ARHGAP22: variants seen among roughly 807,000 people sequenced by gnomAD.
ARHGAP22 encodes Rho GTPase activating protein 22.
Under a neutral mutation model 59.1 loss-of-function variants are expected in ARHGAP22, and 48 were observed. That is an observed-to-expected ratio of 0.81 (90% confidence interval 0.64 to 1.03). The LOEUF (loss-of-function observed/expected upper bound fraction) is 1.03. ARHGAP22 is among the 50% of genes least tolerant of loss of function. The probability of loss-of-function intolerance (pLI) is 0.00; values close to 1 mark genes in which losing one functional copy is unlikely to be tolerated. For synonymous variants in ARHGAP22, 445 were observed against 416.4 expected (o/e 1.07, Z -0.84); for missense variants, 1,015 against 958.7 (o/e 1.06, Z -0.78).
At chr10:48,569,679 T>C (rs1050299484) in intron 2 of ARHGAP22, among the ~76,000 whole-genome samples, 3 of 152,252 alleles carry the variant, frequency 2.0e-5, no homozygotes, top group Admixed American at 6.5e-5. Context: ...CTAATATCCA[T>C]GCTGACTTAA....
chr10:48,518,606 G>A (rs1367134185), intron 3 of ARHGAP22, among the ~76,000 whole-genome samples: 1 of 152,070 alleles, frequency 6.6e-6, no homozygotes, highest in East Asian at 1.9e-4. Context: ...GTGGGGAGCT[G>A]GAGACCACAT....
In ARHGAP22 at chr10:48,451,138, T is replaced by C; in HGVS notation, c.991A>G (p.Thr331Ala). The C allele has an allele frequency of 1.9e-6, 3 of 1,551,696 alleles. No homozygotes were observed. Among genetic ancestry groups the C allele is most frequent in the Non-Finnish European group, 2.6e-6 (3 of 1,147,550 alleles). ...VEDPVTIMEGTSLVQHLMTVL... is the reference protein window; with the variant it reads ...VEDPVTIMEGASLVQHLMTVL... ...GTCATCAGGTGCTGGACGAGGGAAG[T>C]GCCTGCCGGGAAGAGAGGCGGAGAA... Residue 331 changes from threonine (T) to alanine (A), a missense_variant and splice_region_variant, in exon 9 of 10, where the codon ACT becomes GCT. Coordinates refer to ENST00000249601, the MANE Select transcript of ARHGAP22 (RefSeq NM_021226.4).
intron 1 of ARHGAP22, among the ~76,000 whole-genome samples, chr10:48,633,007 C>A (rs55827713): frequency 0.024 from 3,660 of 152,138 alleles, 144 homozygotes; most frequent in African/African-American, 0.084. Flanking sequence ...ACATCACCTG[C>A]CACACGGAGG....
intron 3 of ARHGAP22, among the ~76,000 whole-genome samples, chr10:48,539,291 A>ATTTTTTTT (rs56801787): frequency 1.5e-5 from 2 of 136,288 alleles, no homozygotes; most frequent in African/African-American, 2.8e-5. Context: ...GAAGGGTAAC[A>ATTTTTTTT]TTTTTTTTTT....
At chr10:48,462,970 A>G (rs896595165) in intron 4 of ARHGAP22, among the ~76,000 whole-genome samples, 2 of 152,228 alleles carry the variant, frequency 1.3e-5, no homozygotes, top group African/African-American at 2.4e-5. Context: ...TCAACATCTG[A>G]TGCCTAACAG....
Position 48,582,959 on chromosome 10 carries a change from C to T in ARHGAP22, c.228G>A (p.Lys76=). 1 of 1,614,256 alleles carries T rather than the reference C, an allele frequency of 6.2e-7. No homozygotes were observed. The highest frequency in any genetic ancestry group is 8.5e-7 in the Non-Finnish European group (1 of 1,180,030). The change falls in exon 2 of 10, where the codon AAG becomes AAA. Residue 76 remains lysine (K), a synonymous_variant. Coordinates refer to ENST00000249601, the MANE Select transcript of ARHGAP22 (RefSeq NM_021226.4). ...CCGGACATGCACTTCTCACCTGGGG[C>T]TTGATCTCATCTTTGTCCTTGTAGT... ...LFYYKDKDEI[K]PQGFISLQGT...
At chr10:48,650,806 G>A (rs2062528662) in intron 1 of ARHGAP22, among the ~76,000 whole-genome samples, 1 of 152,168 alleles carries the variant, frequency 6.6e-6, no homozygotes, top group African/African-American at 2.4e-5. Context: ...GAGATATTAG[G>A]TATTAGGCTT....
chr10:48,443,534 G>T (rs577914938), downstream of ARHGAP22, among the ~76,000 whole-genome samples: 1 of 152,108 alleles, frequency 6.6e-6, no homozygotes, highest in Admixed American at 6.5e-5. Context: ...CCTGGTGCAA[G>T]TGGGGGTTCT....
At chr10:48,464,557 T>C (rs936500794) in intron 4 of ARHGAP22, among the ~76,000 whole-genome samples, 2 of 152,076 alleles carry the variant, frequency 1.3e-5, no homozygotes, top group African/African-American at 4.8e-5. Context: ...AGCATGGGCG[T>C]CAGAGGGCAG....
chr10:48,526,779 G>A (rs186687713), intron 3 of ARHGAP22, among the ~76,000 whole-genome samples: 4 of 152,322 alleles, frequency 2.6e-5, no homozygotes, highest in East Asian at 1.9e-4. Flanking sequence ...AAGGGTCAAC[G>A]TCCCCATTGA....
intron 1 of ARHGAP22, among the ~76,000 whole-genome samples, chr10:48,634,603 C>A (rs1357250957): frequency 1.3e-5 from 2 of 152,220 alleles, no homozygotes; most frequent in Middle Eastern, 3.4e-3. Flanking sequence ...GCTGGCAGGG[C>A]ATCTGTCTAG....
At chr10:48,581,841 G>A (rs1234950260) in intron 2 of ARHGAP22, among the ~76,000 whole-genome samples, 1 of 152,196 alleles carries the variant, frequency 6.6e-6, no homozygotes, top group African/African-American at 2.4e-5. Context: ...CTATTGGAAT[G>A]GACAGAACGA....
intron 2 of ARHGAP22, among the ~76,000 whole-genome samples, chr10:48,565,022 C>T (rs1201646255): frequency 6.6e-6 from 1 of 152,220 alleles, no homozygotes; most frequent in African/African-American, 2.4e-5. Context: ...TTTCTACTGA[C>T]ATGTCTCTAG....
chr10:48,478,107 C>A (rs2048915995), intron 4 of ARHGAP22, among the ~76,000 whole-genome samples: 1 of 152,168 alleles, frequency 6.6e-6, no homozygotes. Context: ...ACATCAAAGT[C>A]CAACTATGTA....
intron 1 of ARHGAP22, among the ~76,000 whole-genome samples, chr10:48,632,149 T>C (rs902407435): frequency 6.6e-6 from 1 of 152,150 alleles, no homozygotes. Context: ...GTCCTCAAAG[T>C]CCATTATATA....
chr10:48,502,646 C>T (rs939998902), intron 3 of ARHGAP22, among the ~76,000 whole-genome samples: 8 of 152,218 alleles, frequency 5.3e-5, no homozygotes, highest in Non-Finnish European at 1.2e-4. Flanking sequence ...CACCTGGCCA[C>T]CTGGCAAACT....
chr10:48,530,632 A>G (rs58050083), intron 3 of ARHGAP22, among the ~76,000 whole-genome samples: 3,093 of 152,366 alleles, frequency 0.02, 110 homozygotes, highest in African/African-American at 0.07. Context: ...AATTCTCAAA[A>G]GAAGATATAC....
intron 1 of ARHGAP22, among the ~76,000 whole-genome samples, chr10:48,612,587 A>G (rs1173383431): frequency 2.6e-5 from 4 of 152,196 alleles, no homozygotes. Context: ...AGAAGACTAT[A>G]CTTGTGCTTC....
chr10:48,500,840 A>C (rs1009021870), intron 3 of ARHGAP22, among the ~76,000 whole-genome samples: 9 of 151,426 alleles, frequency 5.9e-5, no homozygotes, highest in Non-Finnish European at 1.3e-4. Flanking sequence ...GCAGTGAGCC[A>C]AGACGACGCC....
Sources: gnomAD v4.1 joint callset for allele counts (sites outside exome capture counted in the v4.1 genomes callset) on GRCh38, gnomAD v4.1.1 for gene constraint, MANE v1.5 for transcripts, NCBI Gene and HGNC (gene_info 2026-07-23, HGNC 2026-07-21) for gene names.